The following CLOCK variants were observed in gnomAD, a reference collection of about 807,000 sequenced individuals.
The protein encoded by CLOCK is clock circadian regulator.
Under a neutral mutation model 118.4 loss-of-function variants are expected in CLOCK, and 43 were observed. The ratio of observed to expected loss-of-function variants is 0.36; its 90% CI spans 0.28 to 0.47. CLOCK has a LOEUF of 0.47. Ranked by LOEUF, CLOCK falls within the 20% of genes least tolerant of loss-of-function variation. The pLI, the probability that CLOCK is intolerant of heterozygous loss-of-function variation, is 1.00. For missense variants in CLOCK, 846 were observed against 999.9 expected (o/e 0.85, Z 2.08); for synonymous variants, 326 against 339.2 (o/e 0.96, Z 0.43).
chr4:55,517,901 A>T (rs1020361073), intron 1 of CLOCK, among the ~76,000 whole-genome samples: 1 of 152,114 alleles, frequency 6.6e-6, no homozygotes, highest in Non-Finnish European at 1.5e-5. Flanking sequence ...ACAAAATTAC[A>T]AATGTTTTTA....
Position 55,429,190 on chromosome 4 carries a change from A to AGTTT in CLOCK, c.*6221_*6224dup, listed in dbSNP as rs948539644. ...ATGTCATTTTTAAAAGCGATGTCACAGTTTGTTTCCTAAGAAATTTAAAAG... is the reference window on the plus strand; with the variant it reads ...ATGTCATTTTTAAAAGCGATGTCACAGTTTGTTTGTTTCCTAAGAAATTTAAAAG... On this transcript the variant is annotated 3_prime_UTR_variant, in exon 23 of 23. Transcript: ENST00000513440. The AGTTT allele has an allele frequency of 6.6e-6, 1 of 152,162 alleles. No individual in the cohort carries two copies. The highest frequency in any genetic ancestry group is 1.5e-5 in the Non-Finnish European group (1 of 68,016). 9.4% of individuals were successfully genotyped at this position (152,162 alleles called of 1,614,324 possible).
At chr4:55,442,772 T>A (rs560509013) in intron 20 of CLOCK, 138 bp from the exon 21 acceptor site, 2 of 790,254 alleles carry the variant, frequency 2.5e-6, no homozygotes, top group African/African-American at 3.4e-5. Flanking sequence ...GGGGGAAATA[T>A]AACCACAAAG....
chr4:55,479,693 G>T lies in CLOCK; in HGVS notation c.54C>A (p.Asp18Glu). The T allele has an allele frequency of 2.5e-6, 4 of 1,612,448 alleles. No individual in the cohort carries two copies. The highest frequency in any genetic ancestry group is 3.4e-6 in the Non-Finnish European group (4 of 1,178,978). The change falls in exon 5 of 23, where the codon GAC becomes GAA. Residue 18 changes from aspartate (D) to glutamate (E), a missense_variant. Coordinates refer to ENST00000513440, the MANE Select transcript of CLOCK (RefSeq NM_004898.4). ...CCACCAACCCATCAAAAATACTACT[G>T]TCATCTCTAAAAGAAAGCGGATAGA... is the stretch of plus-strand genomic sequence containing the variant. Reference protein sequence around the residue: ...SKMSSIVDRDDSSIFDGLVEE... With the variant: ...SKMSSIVDRDESSIFDGLVEE...
chr4:55,509,735 A>T (rs1364163739), intron 2 of CLOCK, among the ~76,000 whole-genome samples, 177 bp downstream of exon 2: 1 of 152,244 alleles, frequency 6.6e-6, no homozygotes, highest in Non-Finnish European at 1.5e-5. Context: ...ATTTTTCCCA[A>T]TAAATAACCT....
intron 20 of CLOCK, among the ~76,000 whole-genome samples, chr4:55,442,978 C>T (rs559068956): frequency 6.6e-6 from 1 of 152,214 alleles, no homozygotes; most frequent in South Asian, 2.1e-4. Context: ...GATTTACAGT[C>T]ACAGATCTAC....
chr4:55,475,361 C>T (rs1328076079), intron 7 of CLOCK, among the ~76,000 whole-genome samples: 1 of 152,158 alleles, frequency 6.6e-6, no homozygotes, highest in Non-Finnish European at 1.5e-5. Context: ...TTGAGATCGA[C>T]TCTACTCCTG....
intron 22 of CLOCK, among the ~76,000 whole-genome samples, chr4:55,437,964 A>G (rs1411406085): frequency 6.6e-6 from 1 of 152,196 alleles, no homozygotes; most frequent in Non-Finnish European, 1.5e-5. Context: ...AAAAAGGAGG[A>G]AAGAGGTGCT....
chr4:55,438,395 T>A lies in CLOCK; in HGVS notation c.2248A>T (p.Thr750Ser). ...TFATQQQQSQ[T>S]LSVTQQQQQQ... is the part of the protein sequence containing the mutation. ...TGCTGCTGCTGCGTTACTGACAATG[T>A]CTGTGACTGTTGCTGTTGTGTAGCA... The change falls in exon 22 of 23, where the codon ACA becomes TCA. Residue 750 changes from threonine (T) to serine (S), a missense_variant. Physicochemically the swap from Thr to Ser is moderately conservative, Grantham distance 58. This residue lies in a region of CLOCK where 520 missense variants were observed against 558.0 expected (regional missense o/e 0.93). Transcript: ENST00000513440. 2 of 1,613,944 alleles carry A rather than the reference T, an allele frequency of 1.2e-6. No individual in the cohort carries two copies. The highest frequency in any genetic ancestry group is 1.7e-6 in the Non-Finnish European group (2 of 1,180,010).
rs1205054425 is a variant in CLOCK, at chr4:55,431,082, A to T, written c.*4333T>A. On this transcript the variant is annotated 3_prime_UTR_variant, in exon 23 of 23. Coordinates refer to ENST00000513440, the MANE Select transcript of CLOCK (RefSeq NM_004898.4). ...TGGTTAACGCCTAAGAATAAACTTT[A>T]TCAAAATGAGTAATTGCAATAAAGT... is the stretch of plus-strand genomic sequence containing the variant. 2 of 152,242 alleles carry T rather than the reference A, an allele frequency of 1.3e-5. No homozygotes were observed. Among genetic ancestry groups the T allele is most frequent in the African/African-American group, 4.8e-5 (2 of 41,470 alleles). The allele number at this position is 152,242 out of a possible 1,614,324, so 9.4% of individuals were successfully genotyped here. A position where few individuals can be genotyped will look rare whatever the true frequency, so the allele number is the denominator to read the frequency against.
chr4:55,446,152 G>A (rs1366922735), intron 18 of CLOCK, among the ~76,000 whole-genome samples: 1 of 143,692 alleles, frequency 7.0e-6, no homozygotes, highest in Non-Finnish European at 1.5e-5. Flanking sequence ...GGAATGCAGT[G>A]GTGTGATCAC....
At chr4:55,448,602 G>GCGCA (rs1553891251) in intron 18 of CLOCK, among the ~76,000 whole-genome samples, 177 bp downstream of exon 18, 7 of 14,384 alleles carry the variant, frequency 4.9e-4, no homozygotes, top group Non-Finnish European at 7.0e-4. Context: ...GCACGCGCGC[G>GCGCA]TGTGTGTGTG....
intron 14 of CLOCK, 64 bp from the exon 15 acceptor site, chr4:55,453,193 G>T (rs1724622233): frequency 7.8e-7 from 1 of 1,287,978 alleles, no homozygotes; most frequent in South Asian, 1.2e-5. Context: ...CTGCACAGCT[G>T]TAACTATTCA....
At chr4:55,489,771 A>G (rs1033045049) in intron 2 of CLOCK, among the ~76,000 whole-genome samples, 1 of 152,206 alleles carries the variant, frequency 6.6e-6, no homozygotes, top group Non-Finnish European at 1.5e-5. Context: ...ACAAGGGAAG[A>G]GTAAGAAAGT....
chr4:55,526,262 A>T (rs1730178047), intron 1 of CLOCK, among the ~76,000 whole-genome samples: 1 of 152,188 alleles, frequency 6.6e-6, no homozygotes, highest in African/African-American at 2.4e-5. Context: ...TTAAAGAAAA[A>T]TTTCAACTAA....
At chr4:55,491,405 T>G (rs1203268927) in intron 2 of CLOCK, among the ~76,000 whole-genome samples, 3 of 149,658 alleles carry the variant, frequency 2.0e-5, no homozygotes, top group Non-Finnish European at 4.4e-5. Flanking sequence ...AACTAAGAGT[T>G]GTTTCTTTGA....
chr4:55,490,799 T>G (rs1727622321), intron 2 of CLOCK, among the ~76,000 whole-genome samples: 1 of 152,170 alleles, frequency 6.6e-6, no homozygotes, highest in African/African-American at 2.4e-5. Context: ...TCCACAGACG[T>G]GGAACCTTCA....
intron 8 of CLOCK, among the ~76,000 whole-genome samples, chr4:55,467,431 T>A (rs903484777): frequency 6.6e-6 from 1 of 152,132 alleles, no homozygotes; most frequent in African/African-American, 2.4e-5. Context: ...ATTCTCTGTA[T>A]CATGACAGTA....
At chr4:55,528,695 C>T (rs1332914748) in intron 1 of CLOCK, among the ~76,000 whole-genome samples, 1 of 152,220 alleles carries the variant, frequency 6.6e-6, no homozygotes, top group Non-Finnish European at 1.5e-5. Flanking sequence ...CAGTGGAGGT[C>T]TAAGTCAATC....
intron 1 of CLOCK, chr4:55,545,394 C>T (rs1014391635): frequency 2.6e-5 from 4 of 152,104 alleles, no homozygotes; most frequent in Non-Finnish European, 4.4e-5. Context: ...GAATATTGCA[C>T]AATTTTCTCT....
Sources: allele counts gnomAD v4.1 joint callset (sites outside exome capture counted in the v4.1 genomes callset), GRCh38; gene constraint gnomAD v4.1.1; regional missense constraint gnomAD v4.1.1; transcripts MANE v1.5; gene names NCBI Gene and HGNC (gene_info 2026-07-23, HGNC 2026-07-21).